Variants in COL19A1 observed in about 807,000 individuals in gnomAD.
COL19A1 encodes the protein collagen alpha-1(XIX) chain.
Under a neutral mutation model 190.2 loss-of-function variants are expected in COL19A1, and 159 were observed. That is an observed-to-expected ratio of 0.84 (90% CI 0.73 to 0.95). The LOEUF is 0.95. COL19A1 is among the 40% of genes least tolerant of loss of function. COL19A1 has a pLI of 0.00. For missense variants in COL19A1, 1,418 were observed against 1,431.9 expected, an observed-to-expected ratio of 0.99 and a Z score of 0.16; for synonymous variants, 509 against 458.9, an observed-to-expected ratio of 1.11 and a Z score of -1.39.
chr6:69,924,253 T>TC (rs1772200899), intron 4 of COL19A1, among the ~76,000 whole-genome samples: 1 of 151,652 alleles, frequency 6.6e-6, no homozygotes, highest in South Asian at 2.1e-4. Context: ...CCCTCCCCCT[T>TC]CCCCCCACCC....
At chr6:69,916,484 T>C (rs1381545714) in intron 4 of COL19A1, among the ~76,000 whole-genome samples, 2 of 152,236 alleles carry the variant, frequency 1.3e-5, no homozygotes, top group South Asian at 4.1e-4. Flanking sequence ...CAATAGGCAG[T>C]AATTTCTATT....
intron 42 of COL19A1, among the ~76,000 whole-genome samples, chr6:70,178,939 A>C (rs1376964508): frequency 6.6e-6 from 1 of 152,148 alleles, no homozygotes; most frequent in Non-Finnish European, 1.5e-5. Context: ...GGATGCTCTG[A>C]GTTCTCCACT....
rs564520826 is a variant in COL19A1, at chr6:69,990,730, T to C, written c.1026+27860T>C. 5.3e-5 allele frequency among the ~76,000 whole-genome samples: 8 copies of C among 152,160 alleles called. 1 individual carries two copies. The South Asian group carries it at 1.7e-3, about 32-fold the overall frequency. On this transcript the variant is annotated intron_variant, in intron 11 of 50. Coordinates refer to ENST00000620364, the MANE Select transcript of COL19A1 (RefSeq NM_001858.6). ...GTTTTTAGCAAGACTACTTCATAAA[T>C]TGTATGGTGGTGTGTGCCAAGAGCC...
At chr6:70,023,133 ATTTTTTTT>A (rs11383774) in intron 11 of COL19A1, among the ~76,000 whole-genome samples, 1 of 110,100 alleles carries the variant, frequency 9.1e-6, no homozygotes, top group Non-Finnish European at 2.0e-5. Context: ...TTATGCAGCT[ATTTTTTTT>A]TTTTTTTTTT....
intron 14 of COL19A1, among the ~76,000 whole-genome samples, chr6:70,054,865 C>T (rs1032049649): frequency 1.3e-5 from 2 of 151,844 alleles, no homozygotes; most frequent in Non-Finnish European, 2.9e-5. Flanking sequence ...AATAATTAAG[C>T]ATAACTTTTA....
At chr6:70,013,583 C>G (rs1778024424) in intron 11 of COL19A1, among the ~76,000 whole-genome samples, 1 of 46,028 alleles carries the variant, frequency 2.2e-5, no homozygotes, top group South Asian at 1.2e-3. Context: ...ACTACAAACA[C>G]CTCTACACAA....
chr6:69,922,458 G>T (rs937988202), intron 4 of COL19A1, among the ~76,000 whole-genome samples: 3 of 145,008 alleles, frequency 2.1e-5, no homozygotes, highest in African/African-American at 5.1e-5. Flanking sequence ...ATAAATTATC[G>T]AAAAATAATT....
chr6:69,963,943 T>C (rs936555128), intron 11 of COL19A1, among the ~76,000 whole-genome samples: 2 of 152,234 alleles, frequency 1.3e-5, no homozygotes, highest in African/African-American at 4.8e-5. Context: ...CAGATAATCA[T>C]TTGAATCCTT....
chr6:69,907,007 A>G (rs1770594957), intron 4 of COL19A1, among the ~76,000 whole-genome samples: 1 of 152,066 alleles, frequency 6.6e-6, no homozygotes, highest in African/African-American at 2.4e-5. Flanking sequence ...GTGTTGTAAC[A>G]TGATGTTTAC....
chr6:70,076,655 G>C (rs1205311860), intron 15 of COL19A1, among the ~76,000 whole-genome samples: 2 of 152,158 alleles, frequency 1.3e-5, no homozygotes, highest in African/African-American at 4.8e-5. Flanking sequence ...CAAGACTCTA[G>C]TCTAAATTTA....
intron 4 of COL19A1, among the ~76,000 whole-genome samples, chr6:69,908,151 A>G (rs924451680): frequency 6.6e-6 from 1 of 152,230 alleles, no homozygotes; most frequent in Admixed American, 6.5e-5. Flanking sequence ...TTTGTAATGC[A>G]TAGTTCTCCT....
At chr6:70,163,111 T>C (rs1787908514) in intron 35 of COL19A1, among the ~76,000 whole-genome samples, 1 of 152,140 alleles carries the variant, frequency 6.6e-6, no homozygotes, top group African/African-American at 2.4e-5. Flanking sequence ...TTAAGGTCAT[T>C]AAATGTGGTT....
chr6:70,040,296 A>G (rs1779572099), intron 14 of COL19A1, among the ~76,000 whole-genome samples: 1 of 152,182 alleles, frequency 6.6e-6, no homozygotes, highest in Non-Finnish European at 1.5e-5. Context: ...AGTGAGGGTG[A>G]CCAAGTTTAA....
intron 11 of COL19A1, among the ~76,000 whole-genome samples, chr6:69,976,400 T>A (rs982817783): frequency 6.6e-6 from 1 of 151,908 alleles, no homozygotes; most frequent in Non-Finnish European, 1.5e-5. Flanking sequence ...CAATCATCCA[T>A]TTATTTGATC....
At chr6:70,133,115 G>T (rs1480686754) in intron 18 of COL19A1, among the ~76,000 whole-genome samples, 2 of 152,034 alleles carry the variant, frequency 1.3e-5, no homozygotes, top group South Asian at 2.1e-4. Flanking sequence ...GCTCATCTTT[G>T]TATCTCCCAC....
intron 11 of COL19A1, among the ~76,000 whole-genome samples, chr6:69,999,533 C>T (rs1239938499): frequency 1.3e-5 from 2 of 151,944 alleles, no homozygotes; most frequent in African/African-American, 4.8e-5. Flanking sequence ...CACCCTGTCT[C>T]ATAAAAAAAT....
At position 70,208,661 on chromosome 6, in the gene COL19A1, A is replaced by AG. The variant is rs1294919413; in HGVS notation, c.*1388dup. The AG allele has an allele frequency of 6.6e-6, 1 of 152,666 alleles. No homozygotes were observed. The highest frequency in any genetic ancestry group is 2.4e-5 in the African/African-American group (1 of 41,458). 9.5% of individuals were successfully genotyped at this position (152,666 alleles called of 1,614,324 possible). On this transcript the variant is annotated 3_prime_UTR_variant, in exon 51 of 51. Coordinates refer to ENST00000620364, the MANE Select transcript of COL19A1 (RefSeq NM_001858.6). ...TGAGAACATGCTGCAAGAGCCTGCC[A>AG]GCCACAGCAATCAGGACTCACAGCT...
In COL19A1 at chr6:70,168,418, G is replaced by A. The variant is rs563017242; in HGVS notation, c.2541+203G>A. The stretch of plus-strand genomic sequence containing the variant: ...AATAATGGAAAACAGCATTTTTCAT[G>A]GTGGTGTCACTTTTTTCATTGCAAA... On this transcript the variant is annotated intron_variant, in intron 39 of 50. Transcript: ENST00000620364. Among the ~76,000 whole-genome samples the A allele has an allele frequency of 2.0e-5, 3 of 152,260 alleles. No individual in the cohort carries two copies. In the South Asian group the frequency reaches 6.2e-4, roughly 32 times the overall value.
intron 41 of COL19A1, 22 bp downstream of exon 41, chr6:70,172,039 G>A: frequency 6.2e-7 from 1 of 1,605,380 alleles, no homozygotes; most frequent in Non-Finnish European, 8.5e-7. Context: ...AGTTAGAAAT[G>A]TGTTCATTTA....
Sources: gnomAD v4.1 joint callset for allele counts (sites outside exome capture counted in the v4.1 genomes callset) on GRCh38, gnomAD v4.1.1 for gene constraint, MANE v1.5 for transcripts, NCBI Gene and HGNC (gene_info 2026-07-23, HGNC 2026-07-21) for gene names.